Variants in FCHO2 observed in about 807,000 individuals in gnomAD.
FCHO2 encodes the protein F-BAR domain only protein 2.
In FCHO2, 43 loss-of-function variants were observed where a neutral mutation model predicts 114.1. That is an observed-to-expected ratio of 0.38 (90% CI 0.30 to 0.49). The LOEUF (loss-of-function observed/expected upper bound fraction) is 0.49. Among genes scored for constraint, FCHO2 ranks in the 20% least tolerant of loss-of-function variants. The pLI is 0.97. For missense variants in FCHO2, 807 were observed against 950.4 expected (o/e 0.85, Z 1.98); for synonymous variants, 293 against 315.2 (o/e 0.93, Z 0.75).
rs573492328 is a variant in FCHO2, at chr5:72,975,693, C to T, written c.125+7104C>T. ...CTAATTTTTGTATTTTTTATAGAGA[C>T]GGGGTTTTGCCATGTCAGCCAGGCT... On this transcript the variant is annotated intron_variant, in intron 2 of 25. Coordinates refer to ENST00000430046, the MANE Select transcript of FCHO2 (RefSeq NM_138782.3). 2.2e-3 allele frequency among the ~76,000 whole-genome samples: 335 copies of T among 152,112 alleles called. 1 individual carries two copies. Among genetic ancestry groups the T allele is most frequent in the South Asian group, 0.011 (54 of 4,822 alleles).
intron 22 of FCHO2, 81 bp from the exon 23 acceptor site, chr5:73,081,702 C>T: frequency 9.6e-7 from 1 of 1,044,988 alleles, no homozygotes; most frequent in Non-Finnish European, 1.3e-6. Context: ...TGTGGACTTA[C>T]ATGTTCAAGT....
chr5:72,999,774 C>T (rs1479377858), intron 5 of FCHO2, among the ~76,000 whole-genome samples: 1 of 152,066 alleles, frequency 6.6e-6, no homozygotes, highest in East Asian at 1.9e-4. Context: ...ATGCTGGCTT[C>T]ATGGATTGTA....
intron 11 of FCHO2, among the ~76,000 whole-genome samples, chr5:73,042,203 T>C (rs750734178): frequency 1.3e-5 from 2 of 152,182 alleles, no homozygotes; most frequent in African/African-American, 2.4e-5. Flanking sequence ...AATAGACTTA[T>C]AATGAGTTAC....
Position 73,082,866 on chromosome 5 carries a change from C to T in FCHO2, c.2245+41C>T, listed in dbSNP as rs377378389. ...CTTTTTTATTTATAAAATGATGTCA[C>T]TGAAAATTGATTTTTTTTTTTTTTT... On this transcript the variant is annotated intron_variant, in intron 24 of 25. Transcript: ENST00000430046. 2.0e-5 allele frequency: 29 copies of T among 1,453,678 alleles called. No homozygotes were observed. The African/African-American group carries it at 4.0e-4, about 20-fold the overall frequency. 90.0% of individuals were successfully genotyped at this position (1,453,678 alleles called of 1,614,324 possible). A position where few individuals can be genotyped will look rare whatever the true frequency, so the allele number is the denominator to read the frequency against.
intron 20 of FCHO2, 81 bp from the exon 21 acceptor site, chr5:73,077,257 C>A: frequency 7.6e-7 from 1 of 1,317,768 alleles, no homozygotes; most frequent in Non-Finnish European, 1.0e-6. Context: ...CGCACGTGCA[C>A]GCGTGTGCCT....
chr5:73,037,903 C>T (rs577046451), intron 10 of FCHO2: 16 of 305,810 alleles, frequency 5.2e-5, no homozygotes, highest in South Asian at 2.2e-4. Context: ...GGAATTACGG[C>T]GCCCACCACC....
In FCHO2 at chr5:73,041,307, G is replaced by T; in HGVS notation, c.931G>T (p.Asp311Tyr). 6.8e-7 allele frequency: 1 copy of T among 1,481,176 alleles called. No homozygotes were observed. Among genetic ancestry groups the T allele is most frequent in the South Asian group, 1.2e-5 (1 of 86,694 alleles). 91.8% of individuals were successfully genotyped at this position (1,481,176 alleles called of 1,614,324 possible). The change falls in exon 11 of 26, where the codon GAT (aspartate) becomes TAT (tyrosine). Residue 311 changes from aspartate (D) to tyrosine (Y), a missense_variant. Physicochemically the swap from Asp to Tyr is radical, Grantham distance 160 (BLOSUM62 -3). Transcript: ENST00000430046. ...DAESVECPDADSLNIPDVDEE... is the reference protein window; with the variant it reads ...DAESVECPDAYSLNIPDVDEE... ...TTTTAATAGGGAATGTCCTGATGCA[G>T]ATTCATTGGTAAGTAGATTTAACTT... is the stretch of plus-strand genomic sequence containing the variant.
chr5:73,009,148 T>C (rs1580093350), intron 6 of FCHO2, among the ~76,000 whole-genome samples: 1 of 151,904 alleles, frequency 6.6e-6, no homozygotes. Flanking sequence ...GAAGGAAGGG[T>C]TTAGGTAGTT....
chr5:72,981,170 C>T (rs569043889), intron 2 of FCHO2, among the ~76,000 whole-genome samples: 8 of 152,176 alleles, frequency 5.3e-5, no homozygotes, highest in African/African-American at 1.9e-4. Context: ...ATTTGCTTGT[C>T]TGTAAAGGAT....
rs1753149767 is a variant in FCHO2 at position 72,980,591 on chromosome 5, G to A, written c.126-8836G>A. Reference sequence around the variant, plus strand: ...ATTGTGTGGGAGTCTAATTCTTTTTGTAGGTCTCAAAGAACTTGCTTTATG... The same window carrying A: ...ATTGTGTGGGAGTCTAATTCTTTTTATAGGTCTCAAAGAACTTGCTTTATG... On this transcript the variant is annotated intron_variant, in intron 2 of 25. Transcript: ENST00000430046. 2.0e-5 allele frequency among the ~76,000 whole-genome samples: 3 copies of A among 152,054 alleles called. No homozygotes were observed. In the South Asian group the frequency reaches 6.2e-4, roughly 32 times the overall value.
intron 2 of FCHO2, among the ~76,000 whole-genome samples, chr5:72,982,083 T>C (rs1225342044): frequency 6.6e-6 from 1 of 152,170 alleles, no homozygotes; most frequent in Non-Finnish European, 1.5e-5. Flanking sequence ...TTGCAAAGAC[T>C]GTGGGAAAAG....
chr5:73,084,702 G>A (rs17730967), intron 24 of FCHO2, among the ~76,000 whole-genome samples: 45,315 of 152,102 alleles, frequency 0.3, 6,978 homozygotes, highest in East Asian at 0.44. Context: ...AGAAAGGACC[G>A]TAAATATGTC....
chr5:73,074,276 G>A (rs2063255614), intron 19 of FCHO2, among the ~76,000 whole-genome samples: 1 of 151,758 alleles, frequency 6.6e-6, no homozygotes, highest in Admixed American at 6.6e-5. Context: ...ATCAGACAAA[G>A]AGGAGGTTAA....
chr5:73,086,722 C>T (rs1743324928), intron 24 of FCHO2, among the ~76,000 whole-genome samples: 1 of 152,110 alleles, frequency 6.6e-6, no homozygotes, highest in Non-Finnish European at 1.5e-5. Flanking sequence ...TTCTTGTCTT[C>T]CTTATCTTTG....
chr5:73,031,262 G>GCA (rs1284158160), intron 8 of FCHO2, among the ~76,000 whole-genome samples: 1 of 152,126 alleles, frequency 6.6e-6, no homozygotes, highest in Non-Finnish European at 1.5e-5. Context: ...ATGCACACAT[G>GCA]CACACACCCC....
At chr5:73,068,360 A>C (rs1464052960) in intron 18 of FCHO2, among the ~76,000 whole-genome samples, 2 of 152,100 alleles carry the variant, frequency 1.3e-5, no homozygotes, top group Non-Finnish European at 2.9e-5. Flanking sequence ...GAACGTTTAT[A>C]CTGTTTAAAC....
In FCHO2 at chr5:73,056,103, A is replaced by T; in HGVS notation, c.1249A>T (p.Asn417Tyr). The T allele has an allele frequency of 6.5e-7, 1 of 1,528,398 alleles. No individual in the cohort carries two copies. The highest frequency in any genetic ancestry group is 2.2e-5 in the Admixed American group (1 of 44,918). The allele number at this position is 1,528,398 out of a possible 1,614,324, so 94.7% of individuals were successfully genotyped here. ...LTKSKPSAPPNEKGTSDLLAW... is the reference protein window; with the variant it reads ...LTKSKPSAPPYEKGTSDLLAW... ...AAAATCAAAGCCATCTGCTCCACCCAATGAGTAAGTTTCCATGTTTAATTT... is the reference window on the plus strand; with the variant it reads ...AAAATCAAAGCCATCTGCTCCACCCTATGAGTAAGTTTCCATGTTTAATTT... Residue 417 changes from asparagine to tyrosine, a missense_variant, in exon 16 of 26, where the codon AAT (asparagine) becomes TAT (tyrosine). Asn to Tyr is a moderately radical substitution (Grantham distance 143). Coordinates refer to ENST00000430046, the MANE Select transcript of FCHO2 (RefSeq NM_138782.3).
At chr5:72,981,598 C>T (rs569035989) in intron 2 of FCHO2, among the ~76,000 whole-genome samples, 4 of 152,276 alleles carry the variant, frequency 2.6e-5, no homozygotes, top group East Asian at 3.9e-4. Context: ...ATGTAGGTTT[C>T]GTGGTTTCAC....
At position 72,986,773 on chromosome 5, in the gene FCHO2, C is replaced by A. The variant is rs1005951560; in HGVS notation, c.126-2654C>A. ...ATAGCAAGAAATCTTGAAGGTGAGA[C>A]CCAAGTCTAAACTTGAAATTTGTTT... is the stretch of plus-strand genomic sequence containing the variant. On this transcript the variant is annotated intron_variant, in intron 2 of 25. Coordinates refer to ENST00000430046, the MANE Select transcript of FCHO2 (RefSeq NM_138782.3). Among the ~76,000 whole-genome samples the A allele has an allele frequency of 4.6e-5, 7 of 152,148 alleles. No homozygotes were observed. The East Asian group carries it at 1.4e-3, about 29-fold the overall frequency.
Sources: gnomAD v4.1 joint callset for allele counts (sites outside exome capture counted in the v4.1 genomes callset) on GRCh38, gnomAD v4.1.1 for gene constraint, MANE v1.5 for transcripts, NCBI Gene and HGNC (gene_info 2026-07-23, HGNC 2026-07-21) for gene names.